The following PCDHGB4 variants were observed in gnomAD, a reference collection of about 807,000 sequenced individuals.
PCDHGB4 encodes the protein protocadherin gamma subfamily B, 4.
Under a neutral mutation model 60.5 loss-of-function variants are expected in PCDHGB4, and 38 were observed. The observed-to-expected ratio is 0.63, with a 90% CI of 0.48 to 0.82. The LOEUF is 0.82. PCDHGB4 is among the 40% of genes least tolerant of loss of function. The probability of loss-of-function intolerance (pLI) is 0.00; values close to 1 mark genes in which losing one functional copy is unlikely to be tolerated. For synonymous variants in PCDHGB4, 456 were observed against 509.7 expected, an observed-to-expected ratio of 0.89 and a Z score of 1.42; for missense variants, 1,109 against 1,209.6, an observed-to-expected ratio of 0.92 and a Z score of 1.23.
chr5:141,453,848 C>T (rs1045684685), intron 1 of PCDHGB4, among the ~76,000 whole-genome samples: 38 of 152,290 alleles, frequency 2.5e-4, no homozygotes, highest in Non-Finnish European at 4.4e-4. Context: ...GTCCACAGAG[C>T]ACTTTGAAAA....
chr5:141,437,306 C>T (rs1462689998), intron 1 of PCDHGB4, among the ~76,000 whole-genome samples: 1 of 152,104 alleles, frequency 6.6e-6, no homozygotes, highest in Non-Finnish European at 1.5e-5. Flanking sequence ...CAAGTTAAAG[C>T]GTTCAGCTAT....
At chr5:141,468,853 G>C (rs893773356) in intron 1 of PCDHGB4, among the ~76,000 whole-genome samples, 5 of 150,898 alleles carry the variant, frequency 3.3e-5, no homozygotes, top group Non-Finnish European at 7.4e-5. Flanking sequence ...GCAACAGAGC[G>C]AGACTCCATC....
At chr5:141,482,343 A>G (rs1016179369) in intron 1 of PCDHGB4, among the ~76,000 whole-genome samples, 3 of 152,126 alleles carry the variant, frequency 2.0e-5, no homozygotes, top group Non-Finnish European at 2.9e-5. Flanking sequence ...TACTTTGCAA[A>G]CTTGTTGTGA....
rs372648693 is a variant in PCDHGB4, at chr5:141,417,997, G to A, written c.2397+27716G>A. 244 of 1,613,872 alleles carry A rather than the reference G, an allele frequency of 1.5e-4. No homozygotes were observed. The Middle Eastern group carries it at 3.5e-3, about 23-fold the overall frequency. On this transcript the variant is annotated intron_variant, in intron 1 of 3. Transcript: ENST00000519479. ...CGGAGGAGCTGGCCAAGGGCTCGGT[G>A]GTGGGGAACCTCGCTAAGGATCTAG...
chr5:141,432,378 C>A lies in PCDHGB4; in HGVS notation c.2397+42097C>A. On this transcript the variant is annotated intron_variant, in intron 1 of 3. Coordinates refer to ENST00000519479, the MANE Select transcript of PCDHGB4 (RefSeq NM_003736.4). This position sits in a 1 kb window ranked among gnomAD's most constrained non-coding sequence, Gnocchi z 6.0. ...GTGATGGCGCGGGACAACGGGCACC[C>A]GCCCCTCAGCAGCAACGTGTCGTTG... 6.2e-7 allele frequency: 1 copy of A among 1,614,234 alleles called. No individual in the cohort carries two copies. Among genetic ancestry groups the A allele is most frequent in the South Asian group, 1.1e-5 (1 of 91,082 alleles).
chr5:141,486,707 C>A lies in PCDHGB4; in HGVS notation c.2398-8100C>A, dbSNP rs1314530265. On this transcript the variant is annotated intron_variant, in intron 1 of 3. Coordinates refer to ENST00000519479, the MANE Select transcript of PCDHGB4 (RefSeq NM_003736.4). The surrounding 1 kb of genome is among the most constrained non-coding windows in gnomAD (Gnocchi z 5.0). ...AGCTTCCTCTTTCATCTCTCTGAAC[C>A]CCCAGACAGGAGCTGTTCATGCTAC... 2 of 1,614,040 alleles carry A rather than the reference C, an allele frequency of 1.2e-6. No individual in the cohort carries two copies. The highest frequency in any genetic ancestry group is 1.7e-6 in the Non-Finnish European group (2 of 1,180,038).
intron 1 of PCDHGB4, among the ~76,000 whole-genome samples, chr5:141,437,434 G>T (rs183505868): frequency 2.6e-5 from 4 of 152,194 alleles, no homozygotes; most frequent in East Asian, 3.8e-4. Context: ...AGCAGCAATA[G>T]CATAGGAATG....
chr5:141,458,612 C>T (rs1381385841), intron 1 of PCDHGB4, among the ~76,000 whole-genome samples: 1 of 152,084 alleles, frequency 6.6e-6, no homozygotes, highest in Non-Finnish European at 1.5e-5. Flanking sequence ...CTCTGTCAGC[C>T]AGGCTGGAGT....
chr5:141,489,257 T>C lies in PCDHGB4; in HGVS notation c.2398-5550T>C, dbSNP rs2099684606. 5.8e-6 allele frequency: 9 copies of C among 1,550,190 alleles called. No homozygotes were observed. The highest frequency in any genetic ancestry group is 1.4e-5 in the African/African-American group (1 of 73,054). On this transcript the variant is annotated intron_variant, in intron 1 of 3. Transcript: ENST00000519479. This position sits in a 1 kb window ranked among gnomAD's most constrained non-coding sequence, Gnocchi z 4.5. Reference sequence around the variant, plus strand: ...TTCTGGGTCATGGGGCCCAAGACACTCCCACAGCTCGCTGGGAAATGGCAA... The same window carrying C: ...TTCTGGGTCATGGGGCCCAAGACACCCCCACAGCTCGCTGGGAAATGGCAA...
At position 141,402,613 on chromosome 5, in the gene PCDHGB4, A is replaced by G. The variant is rs145557523; in HGVS notation, c.2397+12332A>G. Among the ~76,000 whole-genome samples the G allele has an allele frequency of 3.8e-3, 581 of 152,376 alleles. 6 individuals are homozygous for G. Among genetic ancestry groups the G allele is most frequent in the Admixed American group, 0.011 (170 of 15,298 alleles). The stretch of plus-strand genomic sequence containing the variant: ...AGATTGCTTTTGAAATACAAATGCA[A>G]GAAACAATTGGAGAAATCTAAAATC... On this transcript the variant is annotated intron_variant, in intron 1 of 3. Coordinates refer to ENST00000519479, the MANE Select transcript of PCDHGB4 (RefSeq NM_003736.4).
Position 141,476,819 on chromosome 5 carries a change from C to T in PCDHGB4, c.2398-17988C>T. ...CAGCCTGCCTATTCACATCAAGGTGCTGGACGCGAATGACAATGCGCCTGT... is the reference window on the plus strand; with the variant it reads ...CAGCCTGCCTATTCACATCAAGGTGTTGGACGCGAATGACAATGCGCCTGT... On this transcript the variant is annotated intron_variant, in intron 1 of 3. Coordinates refer to ENST00000519479, the MANE Select transcript of PCDHGB4 (RefSeq NM_003736.4). The surrounding 1 kb of genome is among the most constrained non-coding windows in gnomAD (Gnocchi z 7.6). 6.2e-7 allele frequency: 1 copy of T among 1,613,524 alleles called. No homozygotes were observed. The highest frequency in any genetic ancestry group is 8.5e-7 in the Non-Finnish European group (1 of 1,180,036).
chr5:141,461,988 T>A (rs771762127), intron 1 of PCDHGB4, among the ~76,000 whole-genome samples: 1 of 152,170 alleles, frequency 6.6e-6, no homozygotes, highest in Non-Finnish European at 1.5e-5. Flanking sequence ...CACGCCAGGC[T>A]AATTTTGTAT....
chr5:141,389,673 G>T lies in PCDHGB4; in HGVS notation c.1789G>T (p.Gly597Ter), dbSNP rs755380537. Reference sequence around the variant, plus strand: ...GGTAGTGGCGGTGGACGCAGACTCAGGACACAACGCCTGGCTGTCCTACCA... The same window carrying T: ...GGTAGTGGCGGTGGACGCAGACTCATGACACAACGCCTGGCTGTCCTACCA... Reference protein sequence around the residue: ...TKVVAVDADSGHNAWLSYHVL... With the variant: ...TKVVAVDADS The change falls in exon 1 of 4, where the codon GGA (glycine) becomes TGA (stop). Residue 597 changes from glycine (G) to a stop codon, truncating the protein, a stop_gained. Coordinates refer to ENST00000519479, the MANE Select transcript of PCDHGB4 (RefSeq NM_003736.4). LOFTEE classifies it high-confidence loss of function. 1 of 1,612,426 alleles carries T rather than the reference G, an allele frequency of 6.2e-7. No individual in the cohort carries two copies. Among genetic ancestry groups the T allele is most frequent in the South Asian group, 1.1e-5 (1 of 91,034 alleles).
At position 141,392,616 on chromosome 5, in the gene PCDHGB4, G is replaced by A. The variant is rs912385052; in HGVS notation, c.2397+2335G>A. 8 of 535,918 alleles carry A rather than the reference G, an allele frequency of 1.5e-5. No individual in the cohort carries two copies. In the South Asian group the frequency reaches 2.7e-4, roughly 18 times the overall value. The allele number at this position is 535,918 out of a possible 1,614,324, so 33.2% of individuals were successfully genotyped here. ...CACCTACTGGAAGACAAATGCAACC[G>A]AAAACACTCAGATCTCACACCTCAC... On this transcript the variant is annotated intron_variant, in intron 1 of 3. Transcript: ENST00000519479.
chr5:141,418,111 A>G (rs763834283), intron 1 of PCDHGB4: 19 of 1,613,940 alleles, frequency 1.2e-5, no homozygotes, highest in Non-Finnish European at 1.5e-5. Context: ...GCGGGGACTT[A>G]CTTGTGAAGG....
At chr5:141,440,484 A>G (rs190024112) in intron 1 of PCDHGB4, 36 of 152,300 alleles carry the variant, frequency 2.4e-4, no homozygotes, top group Non-Finnish European at 4.7e-4. Context: ...AATTCTTTAA[A>G]TGTTTTTCAC....
Position 141,491,648 on chromosome 5 carries a change from T to A in PCDHGB4, c.2398-3159T>A. 6.2e-7 allele frequency: 1 copy of A among 1,613,834 alleles called. No individual in the cohort carries two copies. Among genetic ancestry groups the A allele is most frequent in the Non-Finnish European group, 8.5e-7 (1 of 1,180,002 alleles). ...GTTCAGCAGCCCACAGCTCTGGCGC[T>A]GGAGCCTGACGCCATCCGGTCCCGC... On this transcript the variant is annotated intron_variant, in intron 1 of 3. Transcript: ENST00000519479. This position sits in a 1 kb window ranked among gnomAD's most constrained non-coding sequence, Gnocchi z 6.9.
At chr5:141,460,924 A>ATATG (rs1561985817) in intron 1 of PCDHGB4, among the ~76,000 whole-genome samples, 10 of 150,588 alleles carry the variant, frequency 6.6e-5, no homozygotes, top group East Asian at 3.9e-4. Flanking sequence ...ATATATATAT[A>ATATG]TGTGTGTGTG....
At chr5:141,412,815 A>G (rs2095578958) in intron 1 of PCDHGB4, among the ~76,000 whole-genome samples, 1 of 152,328 alleles carries the variant, frequency 6.6e-6, no homozygotes, top group Non-Finnish European at 1.5e-5. Flanking sequence ...AGAAACCTAC[A>G]TATAGTAAAT....
Sources: gnomAD v4.1 joint callset for allele counts (sites outside exome capture counted in the v4.1 genomes callset) on GRCh38, gnomAD v4.1.1 for gene constraint, Gnocchi (gnomAD v3.1) non-coding constraint, MANE v1.5 for transcripts, NCBI Gene and HGNC (gene_info 2026-07-23, HGNC 2026-07-21) for gene names.